Variants in TSHZ3 observed in about 807,000 individuals in gnomAD.
TSHZ3 encodes teashirt homolog 3.
In TSHZ3, 10 loss-of-function variants were observed where a neutral mutation model predicts 64.5. That is an observed-to-expected ratio of 0.16 (90% CI 0.10 to 0.26). TSHZ3 has a LOEUF of 0.26. TSHZ3 is among the 10% of genes least tolerant of loss of function. The probability of loss-of-function intolerance (pLI) is 1.00; values close to 1 mark genes in which losing one functional copy is unlikely to be tolerated. For synonymous variants in TSHZ3, 608 were observed against 593.1 expected (o/e 1.03, Z -0.36); for missense variants, 1,242 against 1,421.7 (o/e 0.87, Z 2.03).
chr19:31,326,223 A>C (rs1324844599), intron 1 of TSHZ3, among the ~76,000 whole-genome samples: 1 of 152,252 alleles, frequency 6.6e-6, no homozygotes, highest in Non-Finnish European at 1.5e-5. Context: ...TTTTGCACCA[A>C]CATAAATATC....
chr19:31,306,268 G>A (rs915611163), intron 1 of TSHZ3, among the ~76,000 whole-genome samples: 1 of 152,166 alleles, frequency 6.6e-6, no homozygotes, highest in Non-Finnish European at 1.5e-5. Context: ...CCTTCGGAGC[G>A]AGGACCACTA....
At chr19:31,167,671 TTC>T (rs1479476235) in intron 5 of TSHZ3, 5 of 152,260 alleles carry the variant, frequency 3.3e-5, no homozygotes, top group East Asian at 1.9e-4. Context: ...ACACATTTTT[TTC>T]TGTTTGCTCA....
chr19:31,181,896 C>G (rs1356857774), intron 5 of TSHZ3, among the ~76,000 whole-genome samples: 1 of 152,118 alleles, frequency 6.6e-6, no homozygotes, highest in East Asian at 1.9e-4. Flanking sequence ...CTGGGTCAAG[C>G]TAAGGACACA....
At chr19:31,350,303 A>AT (rs1024983399), upstream of TSHZ3, among the ~76,000 whole-genome samples, 8 of 148,128 alleles carry the variant, frequency 5.4e-5, no homozygotes, top group Non-Finnish European at 1.0e-4. Flanking sequence ...ACTTCCCCCA[A>AT]TTTTTTTTCC....
At chr19:31,233,786 T>G (rs1975571537) in intron 3 of TSHZ3, among the ~76,000 whole-genome samples, 1 of 152,152 alleles carries the variant, frequency 6.6e-6, no homozygotes, top group Non-Finnish European at 1.5e-5. Flanking sequence ...TGAGGTTCAT[T>G]TTTTTTCTAC....
At chr19:31,177,412 TCTCCATCC>T (rs961742813) in intron 5 of TSHZ3, among the ~76,000 whole-genome samples, 2 of 152,186 alleles carry the variant, frequency 1.3e-5, no homozygotes, top group African/African-American at 4.8e-5. Context: ...CTCCATGTAA[TCTCCATCC>T]CTTGCCTTCC....
intron 1 of TSHZ3, among the ~76,000 whole-genome samples, chr19:31,248,965 A>C (rs969127329): frequency 1.3e-5 from 2 of 151,976 alleles, no homozygotes; most frequent in African/African-American, 2.4e-5. Flanking sequence ...GCAGGTTTTG[A>C]GTAGTTTTGA....
intron 1 of TSHZ3, among the ~76,000 whole-genome samples, chr19:31,331,184 G>A (rs996679993): frequency 1.3e-5 from 2 of 152,146 alleles, no homozygotes; most frequent in Non-Finnish European, 2.9e-5. Context: ...CAGAGGGCAC[G>A]CGGGGAATGT....
chr19:31,284,517 G>T (rs916816228), intron 1 of TSHZ3, among the ~76,000 whole-genome samples: 2 of 152,080 alleles, frequency 1.3e-5, no homozygotes, highest in Non-Finnish European at 2.9e-5. Context: ...TCCACCATTT[G>T]CCCGGTTCCC....
rs775035839 is a variant in TSHZ3 at position 31,277,502 on chromosome 19, G to A, written c.2291C>T (p.Ala764Val). The change falls in exon 2 of 2, where the codon GCC becomes GTC. Residue 764 changes from alanine (A) to valine (V), a missense_variant. By Grantham distance (64) the Ala-to-Val change is moderately conservative. Around this residue, in one of 4 missense-constraint regions of TSHZ3, gnomAD observed 550 missense variants for 545.1 expected, o/e 1.01. Transcript: ENST00000240587. This position sits in a 1 kb window ranked among gnomAD's most constrained non-coding sequence, Gnocchi z 4.5. The stretch of plus-strand genomic sequence containing the variant: ...CTTGGACTGCAGGGGCGGCGGGGTG[G>A]CCACAGCAGCCTTCTCCGCCAGGCT... ...SNSLAEKAAV[A>V]TPPPLQSKKA... is the part of the protein sequence containing the mutation. 83 of 1,607,298 alleles carry A rather than the reference G, an allele frequency of 5.2e-5. 1 individual carries two copies. The South Asian group carries it at 8.2e-4, about 16-fold the overall frequency.
intron 1 of TSHZ3, among the ~76,000 whole-genome samples, chr19:31,316,235 C>G (rs140376849): frequency 6.6e-6 from 1 of 152,262 alleles, no homozygotes; most frequent in African/African-American, 2.4e-5. Flanking sequence ...ACTTAAAATG[C>G]CTTTCCCATT....
In TSHZ3 at chr19:31,222,209, TACTAATGAACGTC is replaced by T. The variant is rs1280319489; in HGVS notation, n.686+5783_686+5795del. ...ATCTGTAAGTGCATATGGAACATGTTACTAATGAACGTCACAGAAGACTAAATGTAAAATCCCT... is the reference window on the plus strand; with the variant it reads ...ATCTGTAAGTGCATATGGAACATGTTACAGAAGACTAAATGTAAAATCCCT... On this transcript the variant is annotated intron_variant and non_coding_transcript_variant, in intron 4 of 6. Coordinates refer to the TSHZ3 transcript ENST00000651361. 4.6e-5 allele frequency among the ~76,000 whole-genome samples: 7 copies of T among 152,366 alleles called. No homozygotes were observed. The East Asian group carries it at 1.4e-3, about 29-fold the overall frequency.
Position 31,212,245 on chromosome 19 carries a change from C to G in TSHZ3, n.687-7167G>C, listed in dbSNP as rs142463085. 6.8e-3 allele frequency among the ~76,000 whole-genome samples: 1,031 copies of G among 152,126 alleles called. 16 individuals carry two copies. The highest frequency in any genetic ancestry group is 0.024 in the African/African-American group (984 of 41,486). ...CCAAGGCAGGAGAATTACTTGAGGT[C>G]AGGAGTTCGAGACCAGTCTGGCCAA... On this transcript the variant is annotated intron_variant and non_coding_transcript_variant, in intron 4 of 6. Coordinates refer to the TSHZ3 transcript ENST00000651361.
chr19:31,242,301 G>T (rs1298909107), exon 3 of TSHZ3, among the ~76,000 whole-genome samples: 1 of 152,138 alleles, frequency 6.6e-6, no homozygotes, highest in Non-Finnish European at 1.5e-5. Flanking sequence ...CCTACAACAG[G>T]CCATATGCAA....
At chr19:31,256,969 A>C (rs1028613371) in intron 1 of TSHZ3, among the ~76,000 whole-genome samples, 20 of 152,176 alleles carry the variant, frequency 1.3e-4, no homozygotes, top group Admixed American at 7.2e-4. Context: ...GGTCCTGAGT[A>C]GTGAGTTCCT....
intron 1 of TSHZ3, among the ~76,000 whole-genome samples, chr19:31,312,985 C>T (rs1007076365): frequency 2.0e-5 from 3 of 151,442 alleles, no homozygotes; most frequent in African/African-American, 7.3e-5. Context: ...ATAGGAGTGA[C>T]ACACTTTCCT....
At chr19:31,343,022 AAC>A (rs1403019455) in intron 1 of TSHZ3, among the ~76,000 whole-genome samples, 1 of 152,170 alleles carries the variant, frequency 6.6e-6, no homozygotes, top group Non-Finnish European at 1.5e-5. Context: ...ATCTAGAACT[AAC>A]AGTGTCTCTC....
intron 1 of TSHZ3, among the ~76,000 whole-genome samples, chr19:31,258,762 C>T (rs1025329296): frequency 3.9e-5 from 6 of 152,170 alleles, no homozygotes; most frequent in Non-Finnish European, 7.3e-5. Flanking sequence ...TGTAGTCTCC[C>T]GGGGAGAAAT....
downstream of TSHZ3, among the ~76,000 whole-genome samples, chr19:31,270,068 G>GATC (rs1309834256): frequency 1.3e-5 from 2 of 152,218 alleles, no homozygotes; most frequent in African/African-American, 4.8e-5. Flanking sequence ...TTGCAGCCTA[G>GATC]ATCATATCCA....
Sources: gnomAD v4.1 joint callset for allele counts (sites outside exome capture counted in the v4.1 genomes callset) on GRCh38, gnomAD v4.1.1 for gene constraint, gnomAD v4.1.1 regional missense constraint, Gnocchi (gnomAD v3.1) non-coding constraint, MANE v1.5 for transcripts, NCBI Gene and HGNC (gene_info 2026-07-23, HGNC 2026-07-21) for gene names.